The following CDH18 variants were observed in gnomAD, a reference collection of about 807,000 sequenced individuals.
CDH18 encodes cadherin-18.
Under a neutral mutation model 67.9 loss-of-function variants are expected in CDH18, and 31 were observed. The ratio of observed to expected loss-of-function variants is 0.46; its 90% CI spans 0.34 to 0.62. The LOEUF is 0.62. Ranked by LOEUF, CDH18 falls within the 20% of genes least tolerant of loss-of-function variation. The pLI is 0.01. For missense variants in CDH18, 890 were observed against 975.5 expected (o/e 0.91, Z 1.17); for synonymous variants, 362 against 347.2 (o/e 1.04, Z -0.48).
At chr5:20,479,417 G>T (rs1752643420) in intron 1 of CDH18, among the ~76,000 whole-genome samples, 1 of 152,064 alleles carries the variant, frequency 6.6e-6, no homozygotes, top group Admixed American at 6.6e-5. Context: ...TTTACAAAGA[G>T]ATTTAATTAA....
chr5:19,558,978 A>G (rs2127194911), intron 8 of CDH18, among the ~76,000 whole-genome samples: 1 of 152,190 alleles, frequency 6.6e-6, no homozygotes, highest in East Asian at 1.9e-4. Context: ...TTTACTATGA[A>G]CAAAGTTGTT....
chr5:19,991,203 T>C (rs993605231), upstream of CDH18, among the ~76,000 whole-genome samples: 2 of 152,182 alleles, frequency 1.3e-5, no homozygotes, highest in African/African-American at 4.8e-5. Context: ...TATGTGATGT[T>C]TCCAAACCTG....
At chr5:20,528,648 G>T (rs1475011317) in intron 1 of CDH18, among the ~76,000 whole-genome samples, 1 of 152,012 alleles carries the variant, frequency 6.6e-6, no homozygotes, top group African/African-American at 2.4e-5. Context: ...GCTCCTGGAT[G>T]ACTTCCAAGT....
intron 1 of CDH18, among the ~76,000 whole-genome samples, chr5:20,312,960 A>C (rs2149992506): frequency 6.6e-6 from 1 of 152,152 alleles, no homozygotes; most frequent in East Asian, 1.9e-4. Flanking sequence ...TGTAATCTGC[A>C]GTGCTAGAAC....
intron 1 of CDH18, among the ~76,000 whole-genome samples, chr5:20,473,900 G>A (rs1752259892): frequency 6.6e-6 from 1 of 151,946 alleles, no homozygotes; most frequent in Non-Finnish European, 1.5e-5. Context: ...TTTTAAATAT[G>A]CTATCCCTTT....
chr5:20,551,020 C>T (rs750118915), intron 1 of CDH18, among the ~76,000 whole-genome samples: 23 of 152,264 alleles, frequency 1.5e-4, no homozygotes, highest in Middle Eastern at 6.8e-3. Flanking sequence ...AATGAGAACT[C>T]ATCAGCAAGA....
chr5:20,561,273 A>C lies in CDH18; in HGVS notation c.-580+14189T>G, dbSNP rs530266084. Among the ~76,000 whole-genome samples, 9 of 152,264 alleles carry C rather than the reference A, an allele frequency of 5.9e-5. No individual in the cohort carries two copies. In the South Asian group the frequency reaches 6.2e-4, roughly 11 times the overall value. On this transcript the variant is annotated intron_variant, in intron 1 of 14. Transcript: ENST00000507958. ...CTTTGGTACTTACCCAAATAAGTTG[A>C]ACATTTACATACACACAAAACACTG...
chr5:20,413,400 A>G (rs1256575777), intron 1 of CDH18, among the ~76,000 whole-genome samples: 1 of 152,164 alleles, frequency 6.6e-6, no homozygotes, highest in African/African-American at 2.4e-5. Context: ...GTCTTCCACA[A>G]TGGTTGAACT....
rs1027102768 is a variant in CDH18 at position 20,420,412 on chromosome 5, T to G, written c.-580+155050A>C. Among the ~76,000 whole-genome samples, 40 of 151,310 alleles carry G rather than the reference T, an allele frequency of 2.6e-4. 8 individuals are homozygous for G. The highest frequency in any genetic ancestry group is 9.8e-4 in the African/African-American group (40 of 40,632). On this transcript the variant is annotated intron_variant, in intron 1 of 14. Transcript: ENST00000507958. ...ATATACCAACAAGTGGAAAAATCGATGTATTCCAACGTTATATTCTTTTAT... is the reference window on the plus strand; with the variant it reads ...ATATACCAACAAGTGGAAAAATCGAGGTATTCCAACGTTATATTCTTTTAT...
At chr5:19,583,393 T>C (rs1743591889) in intron 7 of CDH18, among the ~76,000 whole-genome samples, 1 of 152,110 alleles carries the variant, frequency 6.6e-6, no homozygotes, top group African/African-American at 2.4e-5. Context: ...AAATACGATA[T>C]TTAACGTAAA....
intron 5 of CDH18, among the ~76,000 whole-genome samples, chr5:19,648,765 G>A (rs1404458234): frequency 6.6e-6 from 1 of 151,160 alleles, no homozygotes; most frequent in Admixed American, 6.6e-5. Flanking sequence ...TTATTTTTAT[G>A]ACCCCAAATA....
intron 5 of CDH18, among the ~76,000 whole-genome samples, chr5:19,663,083 C>T (rs934303652): frequency 6.6e-6 from 1 of 151,736 alleles, no homozygotes. Flanking sequence ...TCTTTTTTCC[C>T]CAAATATTTA....
chr5:20,166,456 A>AAAG (rs1736299785), intron 2 of CDH18, among the ~76,000 whole-genome samples: 1 of 5,242 alleles, frequency 1.9e-4, no homozygotes, highest in African/African-American at 5.2e-4. Flanking sequence ...AAAAAAAAAG[A>AAAG]AAAGAAAAGA....
intron 1 of CDH18, among the ~76,000 whole-genome samples, chr5:20,378,445 G>A (rs1743645075): frequency 6.6e-6 from 1 of 152,102 alleles, no homozygotes. Flanking sequence ...AGGCAGTCCT[G>A]CGAGGGTCCA....
chr5:19,563,412 C>G (rs1426558134), intron 8 of CDH18, among the ~76,000 whole-genome samples: 1 of 152,126 alleles, frequency 6.6e-6, no homozygotes, highest in East Asian at 1.9e-4. Flanking sequence ...CCATGGCCAA[C>G]AGACAGAAGA....
intron 9 of CDH18, among the ~76,000 whole-genome samples, chr5:19,526,149 G>T (rs1278681738): frequency 6.6e-6 from 1 of 152,026 alleles, no homozygotes; most frequent in Non-Finnish European, 1.5e-5. Flanking sequence ...TTGTGTTTTT[G>T]AGAAACAATT....
rs539608441 is a variant in CDH18 at position 19,782,898 on chromosome 5, T to A, written c.229-35662A>T. 6.6e-4 allele frequency among the ~76,000 whole-genome samples: 100 copies of A among 152,316 alleles called. 2 individuals are homozygous for A. The highest frequency in any genetic ancestry group is 3.3e-3 in the Admixed American group (51 of 15,290). ...ATCAGAAAAGCTAATGAGGACTAGA[T>A]TTTTATTTTGTGTGGCCTACACAAA... On this transcript the variant is annotated intron_variant, in intron 3 of 12. Transcript: ENST00000382275.
intron 5 of CDH18, among the ~76,000 whole-genome samples, chr5:19,647,433 G>A (rs960533794): frequency 1.2e-4 from 18 of 148,734 alleles, no homozygotes; most frequent in African/African-American, 4.5e-4. Flanking sequence ...AGGAGGCTGA[G>A]GCAGGAGAAT....
In CDH18 at chr5:19,473,542, T is replaced by G; in HGVS notation, c.2057A>C (p.Lys686Thr). ...LRNPSAAEEL[K>T]YRRDIRPEVK... ...TTCAGGTCTGATATCCCTCCGGTAC[T>G]TGAGCTCCTCAGCAGCAGAAGGATT... is the stretch of plus-strand genomic sequence containing the variant. The change falls in exon 13 of 13, where the codon AAG becomes ACG. Residue 686 changes from lysine (K) to threonine (T), a missense_variant. This residue lies in a region of CDH18 where 656 missense variants were observed against 668.1 expected (regional missense o/e 0.98). Transcript: ENST00000382275. 9.3e-6 allele frequency: 15 copies of G among 1,613,898 alleles called. No individual in the cohort carries two copies. Among genetic ancestry groups the G allele is most frequent in the Non-Finnish European group, 1.3e-5 (15 of 1,179,886 alleles).
Sources: gnomAD v4.1 joint callset for allele counts (sites outside exome capture counted in the v4.1 genomes callset) on GRCh38, gnomAD v4.1.1 for gene constraint, gnomAD v4.1.1 regional missense constraint, MANE v1.5 for transcripts, NCBI Gene and HGNC (gene_info 2026-07-23, HGNC 2026-07-21) for gene names.